SEPTIN11: variants seen among roughly 807,000 people sequenced by gnomAD.
SEPTIN11 encodes septin-11.
SEPTIN11 carries 25 observed loss-of-function variants against 51.4 expected under a neutral mutation model. The ratio of observed to expected loss-of-function variants is 0.49; its 90% CI spans 0.35 to 0.68. The LOEUF is 0.68. SEPTIN11 is among the 30% of genes least tolerant of loss of function. The pLI, the probability that SEPTIN11 is intolerant of heterozygous loss-of-function variation, is 0.00. For synonymous variants in SEPTIN11, 174 were observed against 184.1 expected, an observed-to-expected ratio of 0.95 and a Z score of 0.44; for missense variants, 381 against 520.8, an observed-to-expected ratio of 0.73 and a Z score of 2.61.
chr4:77,007,246 G>T (rs1350687230), intron 3 of SEPTIN11, among the ~76,000 whole-genome samples: 1 of 152,174 alleles, frequency 6.6e-6, no homozygotes, highest in African/African-American at 2.4e-5. Flanking sequence ...TTCAATCATT[G>T]CATACTCACA....
intron 3 of SEPTIN11, among the ~76,000 whole-genome samples, chr4:77,006,956 C>A (rs1724516018): frequency 6.6e-6 from 1 of 152,154 alleles, no homozygotes; most frequent in East Asian, 1.9e-4. Flanking sequence ...TAGACATTGT[C>A]CCGTGATAAC....
rs142826618 is a variant in SEPTIN11, at chr4:76,974,828, A to C, written c.28-21597A>C. ...TTATGGTAAGCTACCCTTTGTAAGA[A>C]ATGTGAGCGCTTGGGTGGGTGTGGT... On this transcript the variant is annotated intron_variant, in intron 1 of 9. Coordinates refer to ENST00000264893, the MANE Select transcript of SEPTIN11 (RefSeq NM_018243.4). 6.4e-4 allele frequency: 293 copies of C among 456,692 alleles called. 2 individuals carry two copies. Among genetic ancestry groups the C allele is most frequent in the African/African-American group, 5.1e-3 (258 of 50,196 alleles). The allele number at this position is 456,692 out of a possible 1,614,324, so 28.3% of individuals were successfully genotyped here. A position where few individuals can be genotyped will look rare whatever the true frequency, so the allele number is the denominator to read the frequency against.
chr4:77,000,237 C>G (rs1428144009), intron 2 of SEPTIN11, among the ~76,000 whole-genome samples: 2 of 152,160 alleles, frequency 1.3e-5, no homozygotes, highest in Non-Finnish European at 2.9e-5. Context: ...GATGAGAGAA[C>G]AGGAATTGAA....
chr4:77,031,048 C>T, intron 9 of SEPTIN11, 78 bp downstream of exon 9: 2 of 1,333,620 alleles, frequency 1.5e-6, no homozygotes, highest in Non-Finnish European at 2.1e-6. Flanking sequence ...TTCCCATTTA[C>T]AGACTGGAAA....
chr4:76,974,751 T>A (rs1722409333), intron 1 of SEPTIN11: 1 of 456,730 alleles, frequency 2.2e-6, no homozygotes, highest in African/African-American at 2.0e-5. Flanking sequence ...GGAGCTGGGC[T>A]GCAGATGGAA....
In SEPTIN11 at chr4:77,036,660, TA is replaced by T. The variant is rs796956675; in HGVS notation, c.*2154del. 1.9e-4 allele frequency: 279 copies of T among 1,481,174 alleles called. No individual in the cohort carries two copies. The highest frequency in any genetic ancestry group is 1.5e-3 in the East Asian group (58 of 39,114). 91.8% of individuals were successfully genotyped at this position (1,481,174 alleles called of 1,614,324 possible). Reference sequence around the variant, plus strand: ...AGAAACAAATAGAAGCTTTTTTTTTTAAAAAATGTATTGCTTCTGAACTTTT... The same window carrying T: ...AGAAACAAATAGAAGCTTTTTTTTTTAAAAATGTATTGCTTCTGAACTTTT... On this transcript the variant is annotated 3_prime_UTR_variant, in exon 10 of 10. Transcript: ENST00000264893.
chr4:77,036,715 G>A lies in SEPTIN11; in HGVS notation c.*2203G>A. 2.0e-6 allele frequency: 3 copies of A among 1,535,354 alleles called. No individual in the cohort carries two copies. The highest frequency in any genetic ancestry group is 1.7e-6 in the Non-Finnish European group (2 of 1,146,608). ...TGCCACTGCTCCCTAGCCCTGTTTA[G>A]TTTGTTATTGCTGCTTTTCTTTTTT... On this transcript the variant is annotated 3_prime_UTR_variant, in exon 10 of 10. Transcript: ENST00000264893.
intron 7 of SEPTIN11, among the ~76,000 whole-genome samples, chr4:77,025,481 C>A (rs150540572): frequency 6.6e-6 from 1 of 151,444 alleles, no homozygotes; most frequent in African/African-American, 2.4e-5. Context: ...GGAGTTCGAG[C>A]GTATGGTGAG....
chr4:76,965,415 C>T (rs1721994481), intron 1 of SEPTIN11, among the ~76,000 whole-genome samples: 1 of 148,292 alleles, frequency 6.7e-6, no homozygotes, highest in Non-Finnish European at 1.5e-5. Flanking sequence ...TGTGCCACTG[C>T]ACTCCAGCCT....
intron 7 of SEPTIN11, among the ~76,000 whole-genome samples, chr4:77,022,205 A>G (rs931630856): frequency 5.9e-5 from 9 of 152,212 alleles, no homozygotes; most frequent in African/African-American, 2.2e-4. Context: ...TTTTCATGCA[A>G]AGAGATATGG....
intron 3 of SEPTIN11, among the ~76,000 whole-genome samples, chr4:77,007,151 C>T (rs1377516537): frequency 2.0e-5 from 3 of 152,006 alleles, no homozygotes; most frequent in African/African-American, 7.3e-5. Flanking sequence ...GTTTGTAATG[C>T]CAAGAGCAGT....
At chr4:76,975,129 GA>G (rs1487900818) in intron 1 of SEPTIN11, among the ~76,000 whole-genome samples, 1 of 111,244 alleles carries the variant, frequency 9.0e-6, no homozygotes, top group African/African-American at 3.3e-5. Flanking sequence ...AAAAAAAGAA[GA>G]AAAAAGAAAA....
Position 77,034,771 on chromosome 4 carries a change from G to C in SEPTIN11, c.*259G>C, listed in dbSNP as rs994993139. 8.5e-7 allele frequency: 1 copy of C among 1,182,278 alleles called. No individual in the cohort carries two copies. Among genetic ancestry groups the C allele is most frequent in the African/African-American group, 1.6e-5 (1 of 62,856 alleles). The allele number at this position is 1,182,278 out of a possible 1,614,324, so 73.2% of individuals were successfully genotyped here. On this transcript the variant is annotated 3_prime_UTR_variant, in exon 10 of 10. Coordinates refer to ENST00000264893, the MANE Select transcript of SEPTIN11 (RefSeq NM_018243.4). ...ATGATTTGCTTTTTATGCCTGTTCT[G>C]AATGGCAGCACGAAGCAGGCCTGTT...
rs567298744 is a variant in SEPTIN11, at chr4:76,978,438, C to G, written c.28-17987C>G. Among the ~76,000 whole-genome samples the G allele has an allele frequency of 3.9e-5, 6 of 152,292 alleles. No homozygotes were observed. In the East Asian group the frequency reaches 1.2e-3, roughly 29 times the overall value. On this transcript the variant is annotated intron_variant, in intron 1 of 9. Coordinates refer to ENST00000264893, the MANE Select transcript of SEPTIN11 (RefSeq NM_018243.4). ...CACGCATGTCCCTTGATGGCCAACA[C>G]ACACATCACTCTCTGGTTTATAAAA...
chr4:77,029,141 G>A (rs1683051839), intron 8 of SEPTIN11, among the ~76,000 whole-genome samples: 1 of 152,178 alleles, frequency 6.6e-6, no homozygotes, highest in Non-Finnish European at 1.5e-5. Flanking sequence ...AGCCAACTCA[G>A]CTAGACTTTG....
intron 1 of SEPTIN11, among the ~76,000 whole-genome samples, chr4:76,967,329 G>C (rs777132533): frequency 1.3e-5 from 2 of 152,156 alleles, no homozygotes; most frequent in Admixed American, 1.3e-4. Context: ...ATTAGGTTCC[G>C]TGTTGAATTA....
intron 6 of SEPTIN11, among the ~76,000 whole-genome samples, chr4:77,020,022 T>G (rs1031236192): frequency 2.0e-5 from 3 of 152,198 alleles, no homozygotes; most frequent in African/African-American, 7.2e-5. Context: ...GTGTTGTTGA[T>G]AAAATTAAAT....
rs1332832627 is a variant in SEPTIN11 at position 77,035,771 on chromosome 4, A to C, written c.*1259A>C. 1.0e-6 allele frequency: 1 copy of C among 985,728 alleles called. No homozygotes were observed. Among genetic ancestry groups the C allele is most frequent in the African/African-American group, 1.7e-5 (1 of 57,230 alleles). 61.1% of individuals were successfully genotyped at this position (985,728 alleles called of 1,614,324 possible). A position where few individuals can be genotyped will look rare whatever the true frequency, so the allele number is the denominator to read the frequency against. ...GGATTAGAACTGGCCCATATGCCAG[A>C]ACCTGTACTAAATGCCTAATTTGTA... On this transcript the variant is annotated 3_prime_UTR_variant, in exon 10 of 10. Coordinates refer to ENST00000264893, the MANE Select transcript of SEPTIN11 (RefSeq NM_018243.4).
At chr4:77,020,356 G>T in intron 6 of SEPTIN11, 146 bp from the exon 7 acceptor site, 1 of 937,366 alleles carries the variant, frequency 1.1e-6, no homozygotes, top group East Asian at 2.5e-5. Flanking sequence ...AGGAATGTAA[G>T]GTGAATCCAG....
Sources: gnomAD v4.1 joint callset for allele counts (sites outside exome capture counted in the v4.1 genomes callset) on GRCh38, gnomAD v4.1.1 for gene constraint, MANE v1.5 for transcripts, NCBI Gene and HGNC (gene_info 2026-07-23, HGNC 2026-07-21) for gene names.